The following CDK5RAP2 variants were observed in gnomAD, a reference collection of about 807,000 sequenced individuals.
CDK5RAP2 encodes CDK5 regulatory subunit associated protein 2, also known as CDK5 regulatory subunit-associated protein 2.
In CDK5RAP2, 147 loss-of-function variants were observed where a neutral mutation model predicts 232.9. The observed-to-expected ratio is 0.63, with a 90% confidence interval of 0.55 to 0.72. The LOEUF is 0.72. CDK5RAP2 is among the 30% of genes least tolerant of loss of function. The probability of loss-of-function intolerance (pLI) is 0.00; values close to 1 mark genes in which losing one functional copy is unlikely to be tolerated. For synonymous variants in CDK5RAP2, 833 were observed against 833.7 expected, an observed-to-expected ratio of 1.00 and a Z score of 0.01; for missense variants, 2,195 against 2,231.5, an observed-to-expected ratio of 0.98 and a Z score of 0.33.
At chr9:120,530,980 C>T (rs1351377945) in intron 7 of CDK5RAP2, among the ~76,000 whole-genome samples, 1 of 151,472 alleles carries the variant, frequency 6.6e-6, no homozygotes, top group African/African-American at 2.4e-5. Flanking sequence ...ATGTTGTGCA[C>T]ATGTACCCTA....
At chr9:120,513,282 G>A (rs896343151) in intron 12 of CDK5RAP2, among the ~76,000 whole-genome samples, 1 of 152,068 alleles carries the variant, frequency 6.6e-6, no homozygotes, top group African/African-American at 2.4e-5. Context: ...CCATCCTCTA[G>A]ACATCCATCA....
chr9:120,409,435 T>A, intron 29 of CDK5RAP2, 119 bp from the exon 30 acceptor site: 1 of 809,814 alleles, frequency 1.2e-6, no homozygotes. Context: ...GCATTTATGA[T>A]TTTGGCATTC....
chr9:120,496,395 C>G (rs2039241653), intron 12 of CDK5RAP2, among the ~76,000 whole-genome samples: 17 of 147,416 alleles, frequency 1.2e-4, no homozygotes, highest in Non-Finnish European at 2.4e-4. Context: ...GGGGGTCAGC[C>G]CCCCCGCCCA....
intron 1 of CDK5RAP2, among the ~76,000 whole-genome samples, chr9:120,578,097 G>A (rs568132851): frequency 7.2e-4 from 110 of 152,102 alleles, no homozygotes; most frequent in Middle Eastern, 6.8e-3. Context: ...GTGAAATCCC[G>A]TCTCTACTAA....
intron 27 of CDK5RAP2, among the ~76,000 whole-genome samples, chr9:120,415,523 G>T (rs2034158788): frequency 6.6e-6 from 1 of 152,144 alleles, no homozygotes; most frequent in Non-Finnish European, 1.5e-5. Context: ...TGCTTGAATT[G>T]CCTGAGAGTT....
At position 120,539,244 on chromosome 9, in the gene CDK5RAP2, T is replaced by C. The variant is rs1351545760; in HGVS notation, c.384-80A>G. ...TTCACAGCCCCAAAGAGACAAGGAG[T>C]ATTTGCTAGTCATTTCTCCCACAGA... is the stretch of plus-strand genomic sequence containing the variant. On this transcript the variant is annotated intron_variant, in intron 5 of 37. Transcript: ENST00000349780. 1.9e-6 allele frequency: 3 copies of C among 1,555,774 alleles called. No individual in the cohort carries two copies. The East Asian group carries it at 6.8e-5, about 35-fold the overall frequency.
intron 3 of CDK5RAP2, among the ~76,000 whole-genome samples, chr9:120,559,301 C>T (rs976656246): frequency 2.6e-5 from 4 of 151,790 alleles, no homozygotes; most frequent in African/African-American, 9.7e-5. Context: ...ATCTGGCTAA[C>T]ACGATGAAAC....
chr9:120,425,959 C>T (rs994076624), intron 25 of CDK5RAP2, among the ~76,000 whole-genome samples: 1 of 152,108 alleles, frequency 6.6e-6, no homozygotes, highest in African/African-American at 2.4e-5. Context: ...GGAAGGCACA[C>T]AGAGGAGACA....
intron 3 of CDK5RAP2, 36 bp downstream of exon 3, chr9:120,568,285 A>G (rs1229160486): frequency 3.9e-6 from 6 of 1,532,484 alleles, no homozygotes; most frequent in Non-Finnish European, 5.4e-6. Context: ...AGCAGACACA[A>G]TTTGTTGGGG....
At chr9:120,451,044 A>C (rs2036454760) in intron 21 of CDK5RAP2, among the ~76,000 whole-genome samples, 2 of 152,210 alleles carry the variant, frequency 1.3e-5, no homozygotes, top group Admixed American at 6.5e-5. Flanking sequence ...ACCAATCTTT[A>C]TTCCTGGATC....
intron 18 of CDK5RAP2, among the ~76,000 whole-genome samples, chr9:120,462,076 T>C (rs933490791): frequency 1.3e-5 from 2 of 152,208 alleles, no homozygotes; most frequent in Non-Finnish European, 2.9e-5. Flanking sequence ...GCAACTGAGT[T>C]CAGTTTTTAT....
chr9:120,551,212 A>G (rs1444320622), intron 3 of CDK5RAP2, among the ~76,000 whole-genome samples: 3 of 152,246 alleles, frequency 2.0e-5, no homozygotes, highest in Non-Finnish European at 2.9e-5. Context: ...CTTCTTTTCA[A>G]AAGAAATCCA....
chr9:120,555,143 G>C (rs1051867687), intron 3 of CDK5RAP2, among the ~76,000 whole-genome samples: 2 of 149,596 alleles, frequency 1.3e-5, no homozygotes, highest in Non-Finnish European at 3.0e-5. Context: ...TTTGGGGGGG[G>C]GTGGGGGGCG....
At chr9:120,517,578 T>C (rs982641021) in intron 12 of CDK5RAP2, among the ~76,000 whole-genome samples, 2 of 152,240 alleles carry the variant, frequency 1.3e-5, no homozygotes, top group African/African-American at 2.4e-5. Flanking sequence ...ATAATTGAAA[T>C]TTAATAAGTC....
At chr9:120,470,296 G>T in intron 16 of CDK5RAP2, 76 bp from the exon 17 acceptor site, 1 of 709,094 alleles carries the variant, frequency 1.4e-6, no homozygotes, top group South Asian at 1.8e-5. Context: ...TCCCAAGACT[G>T]ACCCCAGTGC....
chr9:120,532,416 T>C (rs185787977), intron 7 of CDK5RAP2: 5 of 152,230 alleles, frequency 3.3e-5, no homozygotes, highest in East Asian at 1.9e-4. Flanking sequence ...CAGAAAGATA[T>C]TGGCAGAGTC....
chr9:120,550,803 T>C lies in CDK5RAP2; in HGVS notation c.295A>G (p.Ile99Val), dbSNP rs2042015383. The C allele has an allele frequency of 1.3e-6, 2 of 1,593,306 alleles. No homozygotes were observed. The highest frequency in any genetic ancestry group is 1.7e-6 in the Non-Finnish European group (2 of 1,160,990). ...QQEFHGPTEH[I>V]YKTNIELKVE... Reference sequence around the variant, plus strand: ...AATGGGCCACTCACAGTTTTGTAGATATGTTCAGTGGGGCCATGAAATTCC... The same window carrying C: ...AATGGGCCACTCACAGTTTTGTAGACATGTTCAGTGGGGCCATGAAATTCC... Residue 99 changes from isoleucine to valine, a missense_variant, in exon 4 of 38, where the codon ATC becomes GTC. Ile to Val is a conservative substitution (Grantham distance 29, BLOSUM62 3). Coordinates refer to ENST00000349780, the MANE Select transcript of CDK5RAP2 (RefSeq NM_018249.6).
intron 12 of CDK5RAP2, among the ~76,000 whole-genome samples, chr9:120,503,435 C>T (rs953403651): frequency 6.6e-6 from 1 of 152,144 alleles, no homozygotes; most frequent in Non-Finnish European, 1.5e-5. Flanking sequence ...CACTTGCCAC[C>T]AGTGGGGTTC....
At chr9:120,570,668 G>A (rs1355748343) in intron 2 of CDK5RAP2, among the ~76,000 whole-genome samples, 1 of 151,680 alleles carries the variant, frequency 6.6e-6, no homozygotes, top group Non-Finnish European at 1.5e-5. Flanking sequence ...GGTGAACTCT[G>A]TCTCTACTAA....
Sources: allele counts gnomAD v4.1 joint callset (sites outside exome capture counted in the v4.1 genomes callset), GRCh38; gene constraint gnomAD v4.1.1; transcripts MANE v1.5; gene names NCBI Gene and HGNC (gene_info 2026-07-23, HGNC 2026-07-21).